Variants in ZNF473 observed in about 807,000 individuals in gnomAD.
The protein encoded by ZNF473 is zinc finger protein 473.
ZNF473 carries 4 observed loss-of-function variants against 11.1 expected under a neutral mutation model. The ratio of observed to expected loss-of-function variants is 0.36; its 90% CI spans 0.18 to 0.82. The LOEUF (loss-of-function observed/expected upper bound fraction) is 0.82, where lower values mean the gene tolerates loss of function less well. Among genes scored for constraint, ZNF473 ranks in the 40% least tolerant of loss-of-function variants. ZNF473 has a pLI of 0.49. For missense variants in ZNF473, 854 were observed against 1,084.0 expected, an observed-to-expected ratio of 0.79 and a Z score of 2.98; for synonymous variants, 404 against 390.4, an observed-to-expected ratio of 1.03 and a Z score of -0.41.
intron 1 of ZNF473, among the ~76,000 whole-genome samples, chr19:50,029,097 A>G (rs2077303008): frequency 6.6e-6 from 1 of 152,230 alleles, no homozygotes; most frequent in African/African-American, 2.4e-5. Flanking sequence ...GTGTTCAATT[A>G]TGAAATGCAG....
intron 2 of ZNF473, 130 bp downstream of exon 2, chr19:50,031,221 T>G: frequency 7.8e-7 from 1 of 1,286,632 alleles, no homozygotes; most frequent in Non-Finnish European, 1.1e-6. Context: ...AAAGCTGGCC[T>G]TCCTTTGTTT....
chr19:50,035,181 A>G (rs1162514292), intron 2 of ZNF473, among the ~76,000 whole-genome samples: 1 of 151,998 alleles, frequency 6.6e-6, no homozygotes, highest in Non-Finnish European at 1.5e-5. Context: ...AGTCCCAGCT[A>G]CTCAGGAGGC....
At chr19:50,033,278 A>G (rs2122810549) in intron 2 of ZNF473, among the ~76,000 whole-genome samples, 1 of 152,226 alleles carries the variant, frequency 6.6e-6, no homozygotes, top group East Asian at 1.9e-4. Flanking sequence ...TCTTGGCTCT[A>G]AGATGGGGTC....
chr19:50,031,663 TC>T (rs1317098227), intron 2 of ZNF473, among the ~76,000 whole-genome samples: 2 of 152,104 alleles, frequency 1.3e-5, no homozygotes, highest in Non-Finnish European at 2.9e-5. Context: ...ATATGGATGT[TC>T]CTGCCCATAT....
At chr19:50,035,420 G>A (rs914701887) in intron 2 of ZNF473, among the ~76,000 whole-genome samples, 2 of 150,548 alleles carry the variant, frequency 1.3e-5, no homozygotes, top group Non-Finnish European at 2.9e-5. Context: ...CTTCTGTCAT[G>A]TCATCCTTCA....
Position 50,044,971 on chromosome 19 carries a change from G to C in ZNF473, c.528G>C (p.Lys176Asn), listed in dbSNP as rs867698811. 6 of 1,614,092 alleles carry C rather than the reference G, an allele frequency of 3.7e-6. No homozygotes were observed. The Middle Eastern group carries it at 8.2e-4, about 221-fold the overall frequency. Reference protein sequence around the residue: ...EDSMVHNVSEKTLTPAKSKEY... With the variant: ...EDSMVHNVSENTLTPAKSKEY... ...CCATGGTGCATAATGTTTCTGAAAA[G>C]ACCCTCACACCAGCTAAGTCTAAGG... Residue 176 changes from lysine (K) to asparagine (N), a missense_variant, in exon 5 of 5, where the codon AAG becomes AAC. Transcript: ENST00000270617.
At chr19:50,028,022 G>C (rs1297035338) in intron 1 of ZNF473, among the ~76,000 whole-genome samples, 8 of 151,832 alleles carry the variant, frequency 5.3e-5, no homozygotes, top group Admixed American at 2.6e-4. Flanking sequence ...TTTTTGGCCG[G>C]GTGTGGTGGC....
rs745712482 is a variant in ZNF473, at chr19:50,039,231, AG to A, written c.85del (p.Asp29ThrfsTer24). On this transcript the variant is annotated frameshift_variant, in exon 3 of 5. Transcript: ENST00000270617. LOFTEE classifies it high-confidence loss of function. This position sits in a 1 kb window ranked among gnomAD's most constrained non-coding sequence, Gnocchi z 4.8. ...LGDWEQLGLEQGDTFWDTALD... is the reference protein window; with the variant it reads ...LGDWEQLGLEXGDTFWDTALD... ...GACTGGGAGCAGCTCGGGCTGGAACAGGGGGACACGTTCTGGGACACAGCGT... is the reference window on the plus strand; with the variant it reads ...GACTGGGAGCAGCTCGGGCTGGAACAGGGGACACGTTCTGGGACACAGCGT... 1 of 1,614,166 alleles carries A rather than the reference AG, an allele frequency of 6.2e-7. No individual in the cohort carries two copies. The highest frequency in any genetic ancestry group is 8.5e-7 in the Non-Finnish European group (1 of 1,179,984).
In ZNF473 at chr19:50,033,777, G is replaced by C. The variant is rs544848342; in HGVS notation, c.9+2686G>C. On this transcript the variant is annotated intron_variant, in intron 2 of 4. Coordinates refer to ENST00000270617, the MANE Select transcript of ZNF473 (RefSeq NM_015428.4). Reference sequence around the variant, plus strand: ...TTCTGGAGGCTGCCTATATTCATTGGCTCCTGGCCGCATCACTCTAATCTC... The same window carrying C: ...TTCTGGAGGCTGCCTATATTCATTGCCTCCTGGCCGCATCACTCTAATCTC... Among the ~76,000 whole-genome samples, 34 of 152,140 alleles carry C rather than the reference G, an allele frequency of 2.2e-4. 1 individual carries two copies. In the South Asian group the frequency reaches 5.2e-3, roughly 23 times the overall value.
chr19:50,045,640 A>G lies in ZNF473; in HGVS notation c.1197A>G (p.Gly399=), dbSNP rs764474309. The G allele has an allele frequency of 2.5e-6, 4 of 1,614,118 alleles. No individual in the cohort carries two copies. Among genetic ancestry groups the G allele is most frequent in the Non-Finnish European group, 3.4e-6 (4 of 1,179,994 alleles). The change falls in exon 5 of 5, where the codon GGA becomes GGG. Residue 399 remains glycine, a synonymous_variant. Coordinates refer to ENST00000270617, the MANE Select transcript of ZNF473 (RefSeq NM_015428.4). ...LLIEHQALHA[G]EEPYKCNERG... is the part of the protein sequence containing the mutation. ...TTGAACACCAGGCTCTTCATGCTGG[A>G]GAGGAGCCTTATAAGTGTAACGAAC...
chr19:50,037,938 A>G (rs1978545728), intron 2 of ZNF473, among the ~76,000 whole-genome samples: 1 of 151,636 alleles, frequency 6.6e-6, no homozygotes, highest in African/African-American at 2.4e-5. Flanking sequence ...ACTGGCAAAT[A>G]AAAGGAGAGT....
rs748633186 is a variant in ZNF473 at position 50,045,372 on chromosome 19, A to T, written c.929A>T (p.His310Leu). 8 of 1,614,222 alleles carry T rather than the reference A, an allele frequency of 5.0e-6. No individual in the cohort carries two copies. In the East Asian group the frequency reaches 1.8e-4, roughly 36 times the overall value. The change falls in exon 5 of 5, where the codon CAT becomes CTT. Residue 310 changes from histidine (H) to leucine (L), a missense_variant. Physicochemically the swap from His to Leu is moderately conservative, Grantham distance 99 (BLOSUM62 -3). Transcript: ENST00000270617. ...AGTCATGACACACAGCCTGGTGAGC[A>T]TCAGAAAACTCACACAGATAGTAAG... The part of the protein sequence containing the change: ...PPSHDTQPGE[H>L]QKTHTDSKSY...
At position 50,045,250 on chromosome 19, in the gene ZNF473, A is replaced by G. The variant is rs200893033; in HGVS notation, c.807A>G (p.Glu269=). 2 of 1,614,188 alleles carry G rather than the reference A, an allele frequency of 1.2e-6. No individual in the cohort carries two copies. The highest frequency in any genetic ancestry group is 1.6e-4 in the Middle Eastern group (1 of 6,062). ...HTGYKFYVCN[E]YGTTFSQSTY... is the part of the protein sequence containing the mutation. ...GCTACAAATTCTATGTGTGTAATGAATATGGGACAACTTTTAGTCAGAGTA... is the reference window on the plus strand; with the variant it reads ...GCTACAAATTCTATGTGTGTAATGAGTATGGGACAACTTTTAGTCAGAGTA... Residue 269 remains glutamate, a synonymous_variant, in exon 5 of 5, where the codon GAA becomes GAG. Coordinates refer to ENST00000270617, the MANE Select transcript of ZNF473 (RefSeq NM_015428.4).
In ZNF473 at chr19:50,039,130, T is replaced by C. The variant is rs781744817; in HGVS notation, c.10-31T>C. 6.2e-7 allele frequency: 1 copy of C among 1,612,900 alleles called. No individual in the cohort carries two copies. The highest frequency in any genetic ancestry group is 1.1e-5 in the South Asian group (1 of 91,028). On this transcript the variant is annotated intron_variant, in intron 2 of 4. Transcript: ENST00000270617. This position sits in a 1 kb window ranked among gnomAD's most constrained non-coding sequence, Gnocchi z 4.8. ...GTTGGGCTCCTCCCTGACCCCAGCC[T>C]CTGAGTGACCAATAGTGTACTGTGT... is the stretch of plus-strand genomic sequence containing the variant.
intron 1 of ZNF473, among the ~76,000 whole-genome samples, chr19:50,029,182 C>G (rs1226097328): frequency 6.6e-6 from 1 of 152,188 alleles, no homozygotes; most frequent in African/African-American, 2.4e-5. Flanking sequence ...CTCGCTCTGT[C>G]GCCCAGGCTG....
At chr19:50,036,643 A>C (rs939241077) in intron 2 of ZNF473, among the ~76,000 whole-genome samples, 1 of 151,912 alleles carries the variant, frequency 6.6e-6, no homozygotes, top group African/African-American at 2.4e-5. Flanking sequence ...CCTTTAAGAG[A>C]TGATTAGGTC....
rs1184052851 is a variant in ZNF473 at position 50,048,145 on chromosome 19, A to G, written c.*1086A>G. On this transcript the variant is annotated 3_prime_UTR_variant, in exon 5 of 5. Transcript: ENST00000270617. ...CGATTGCTGTTAGTTGACAAGTGAC[A>G]TCTTGAAAATGCCACATTCCCTCAT... 1 of 152,254 alleles carries G rather than the reference A, an allele frequency of 6.6e-6. No homozygotes were observed. The highest frequency in any genetic ancestry group is 1.9e-4 in the East Asian group (1 of 5,200). 9.4% of individuals were successfully genotyped at this position (152,254 alleles called of 1,614,324 possible). A position where few individuals can be genotyped will look rare whatever the true frequency, so the allele number is the denominator to read the frequency against.
Position 50,045,650 on chromosome 19 carries a change from T to C in ZNF473, c.1207T>C (p.Tyr403His), listed in dbSNP as rs1486773543. 9.3e-6 allele frequency: 15 copies of C among 1,613,878 alleles called. No homozygotes were observed. The highest frequency in any genetic ancestry group is 1.1e-5 in the South Asian group (1 of 91,074). ...HQALHAGEEP[Y>H]KCNERGKSFR... is the part of the protein sequence containing the mutation. The stretch of plus-strand genomic sequence containing the variant: ...GGCTCTTCATGCTGGAGAGGAGCCT[T>C]ATAAGTGTAACGAACGTGGGAAATC... The change falls in exon 5 of 5, where the codon TAT (tyrosine) becomes CAT (histidine). Residue 403 changes from tyrosine to histidine, a missense_variant. By Grantham distance (83) the Tyr-to-His change is moderately conservative (BLOSUM62 2). Coordinates refer to ENST00000270617, the MANE Select transcript of ZNF473 (RefSeq NM_015428.4).
At position 50,046,167 on chromosome 19, in the gene ZNF473, A is replaced by G. The variant is rs752427687; in HGVS notation, c.1724A>G (p.Lys575Arg). 6.2e-7 allele frequency: 1 copy of G among 1,614,206 alleles called. No individual in the cohort carries two copies. The highest frequency in any genetic ancestry group is 8.5e-7 in the Non-Finnish European group (1 of 1,180,032). Reference protein sequence around the residue: ...NKCEKTFSCSKYLTQHERIHT... With the variant: ...NKCEKTFSCSRYLTQHERIHT... ...TGTGAGAAAACCTTTAGCTGCAGCA[A>G]ATACCTAACTCAGCACGAGAGGATT... is the stretch of plus-strand genomic sequence containing the variant. The change falls in exon 5 of 5, where the codon AAA (lysine) becomes AGA (arginine). Residue 575 changes from lysine to arginine, a missense_variant. Transcript: ENST00000270617. The surrounding 1 kb of genome is among the most constrained non-coding windows in gnomAD (Gnocchi z 5.9).
Sources: gnomAD v4.1 joint callset for allele counts (sites outside exome capture counted in the v4.1 genomes callset) on GRCh38, gnomAD v4.1.1 for gene constraint, Gnocchi (gnomAD v3.1) non-coding constraint, MANE v1.5 for transcripts, NCBI Gene and HGNC (gene_info 2026-07-23, HGNC 2026-07-21) for gene names.